SHISAL2A: variants seen among roughly 807,000 people sequenced by gnomAD.
The protein encoded by SHISAL2A is protein shisa-like-2A.
A neutral mutation model predicts 11.5 loss-of-function variants in SHISAL2A; 18 were observed. That is an observed-to-expected ratio of 1.57 (90% CI 1.08 to 2.33). The LOEUF (loss-of-function observed/expected upper bound fraction) is 2.33. SHISAL2A is among the 30% of genes most tolerant of loss of function. SHISAL2A has a pLI of 0.00. For synonymous variants in SHISAL2A, 94 were observed against 99.6 expected (o/e 0.94, Z 0.34); for missense variants, 261 against 250.9 (o/e 1.04, Z -0.27).
At chr1:52,663,964 A>ACAATGATAGT (rs1198526491) in intron 4 of SHISAL2A, among the ~76,000 whole-genome samples, 1 of 152,240 alleles carries the variant, frequency 6.6e-6, no homozygotes, top group Non-Finnish European at 1.5e-5. Context: ...TGCTGATGCA[A>ACAATGATAGT]CAATGATAGT....
At chr1:52,640,572 G>A (rs1691341026) in intron 1 of SHISAL2A, among the ~76,000 whole-genome samples, 1 of 151,794 alleles carries the variant, frequency 6.6e-6, no homozygotes, top group Admixed American at 6.6e-5. Flanking sequence ...CCGCCTACCA[G>A]GGAGGCTGAG....
chr1:52,642,957 A>G lies in SHISAL2A; in HGVS notation c.277A>G (p.Lys93Glu). The change falls in exon 2 of 3, where the codon AAG becomes GAG. Residue 93 changes from lysine to glutamate, a missense_variant. By Grantham distance (56) the Lys-to-Glu change is moderately conservative (BLOSUM62 1). Transcript: ENST00000517870. ...CVLCYLFISS[K>E]PHTKLDLGLS... is the part of the protein sequence containing the mutation. ...GCTCTGCTACCTGTTCATCAGCTCT[A>G]AGCCCCACACAAAGTTGGACCTGGG... 1 of 1,614,114 alleles carries G rather than the reference A, an allele frequency of 6.2e-7. No individual in the cohort carries two copies. Among genetic ancestry groups the G allele is most frequent in the Non-Finnish European group, 8.5e-7 (1 of 1,180,024 alleles).
intron 1 of SHISAL2A, among the ~76,000 whole-genome samples, chr1:52,638,598 A>G (rs1571678668): frequency 6.6e-6 from 1 of 152,206 alleles, no homozygotes; most frequent in East Asian, 1.9e-4. Flanking sequence ...AGTGATCCCA[A>G]AAATCACTGG....
rs143622521 is a variant in SHISAL2A at position 52,644,833 on chromosome 1, C to T, written c.322+1831C>T. On this transcript the variant is annotated intron_variant, in intron 2 of 2. Coordinates refer to ENST00000517870, the MANE Select transcript of SHISAL2A (RefSeq NM_001042693.3). Reference sequence around the variant, plus strand: ...GAGATCGAGACCATCCTGGCTAATGCGGTGAAAACATGTCTCTACTAAAAA... The same window carrying T: ...GAGATCGAGACCATCCTGGCTAATGTGGTGAAAACATGTCTCTACTAAAAA... 7.2e-3 allele frequency among the ~76,000 whole-genome samples: 1,093 copies of T among 151,830 alleles called. 16 individuals are homozygous for T. Among genetic ancestry groups the T allele is most frequent in the African/African-American group, 0.025 (1,031 of 41,376 alleles).
chr1:52,665,307 C>T (rs1281010584), intron 4 of SHISAL2A, among the ~76,000 whole-genome samples: 4 of 152,138 alleles, frequency 2.6e-5, no homozygotes, highest in African/African-American at 9.7e-5. Context: ...TGATTCTAAT[C>T]CTGTGAAACC....
chr1:52,644,941 C>G (rs532694416), intron 2 of SHISAL2A, among the ~76,000 whole-genome samples: 5 of 150,532 alleles, frequency 3.3e-5, no homozygotes, highest in Admixed American at 6.6e-5. Flanking sequence ...GGCGTGAACC[C>G]GGGAGGCGGA....
downstream of SHISAL2A, among the ~76,000 whole-genome samples, chr1:52,658,045 T>C (rs1343106707): frequency 5.8e-5 from 1 of 17,292 alleles, no homozygotes; most frequent in Non-Finnish European, 8.7e-5. Context: ...ACTAGAAGAC[T>C]TTTTTTTTTT....
intron 2 of SHISAL2A, among the ~76,000 whole-genome samples, chr1:52,646,186 T>G (rs1490805690): frequency 1.3e-5 from 2 of 152,136 alleles, no homozygotes; most frequent in Non-Finnish European, 2.9e-5. Context: ...GGATGCTGTT[T>G]AACAGCCTAC....
chr1:52,669,617 G>C, exon 6 of SHISAL2A: 1 of 142,380 alleles, frequency 7.0e-6, no homozygotes, highest in South Asian at 2.3e-4. Context: ...AGTGAGCTGT[G>C]ATCACGCCAC....
chr1:52,649,744 C>G (rs2149884469), intron 2 of SHISAL2A, among the ~76,000 whole-genome samples: 1 of 152,272 alleles, frequency 6.6e-6, no homozygotes, highest in Non-Finnish European at 1.5e-5. Context: ...TTATCAACTC[C>G]CATTTTGCAG....
At chr1:52,662,101 A>G (rs960872082) in intron 4 of SHISAL2A, among the ~76,000 whole-genome samples, 1 of 152,104 alleles carries the variant, frequency 6.6e-6, no homozygotes, top group African/African-American at 2.4e-5. Flanking sequence ...GATGAAGAGT[A>G]GGTTTGACCC....
chr1:52,644,742 G>A (rs1366562533), intron 2 of SHISAL2A, among the ~76,000 whole-genome samples: 1 of 133,852 alleles, frequency 7.5e-6, no homozygotes, highest in East Asian at 2.3e-4. Context: ...GTGGGGCCGG[G>A]TGCAGTGGCT....
downstream of SHISAL2A, among the ~76,000 whole-genome samples, chr1:52,660,806 A>T (rs1033067057): frequency 5.9e-5 from 9 of 152,182 alleles, no homozygotes; most frequent in African/African-American, 2.2e-4. Flanking sequence ...TTGATTGACA[A>T]TGATTTTCTG....
chr1:52,664,829 C>T (rs1691979318), intron 4 of SHISAL2A, among the ~76,000 whole-genome samples: 1 of 152,128 alleles, frequency 6.6e-6, no homozygotes, highest in African/African-American at 2.4e-5. Flanking sequence ...TTGCTCTGTG[C>T]CCAGTCTGGA....
intron 4 of SHISAL2A, among the ~76,000 whole-genome samples, chr1:52,666,346 G>T (rs1193745368): frequency 6.6e-6 from 1 of 152,074 alleles, no homozygotes; most frequent in Non-Finnish European, 1.5e-5. Context: ...CAGCTACTTG[G>T]GAGGCTGAGG....
intron 2 of SHISAL2A, among the ~76,000 whole-genome samples, chr1:52,650,730 C>T (rs1005717534): frequency 7.2e-6 from 1 of 139,518 alleles, no homozygotes; most frequent in South Asian, 2.3e-4. Context: ...CTGCAACCTT[C>T]GCCTCCCGGG....
chr1:52,658,248 C>G (rs1483647050), downstream of SHISAL2A, among the ~76,000 whole-genome samples: 1 of 152,094 alleles, frequency 6.6e-6, no homozygotes, highest in African/African-American at 2.4e-5. Context: ...CCATGTTGGC[C>G]AGGCTGGTCT....
chr1:52,663,500 C>T (rs1691947031), intron 4 of SHISAL2A, among the ~76,000 whole-genome samples: 1 of 152,226 alleles, frequency 6.6e-6, no homozygotes, highest in African/African-American at 2.4e-5. Context: ...GTGGCTCACG[C>T]CTGTAATCCC....
chr1:52,647,316 T>C (rs1691522947), intron 2 of SHISAL2A, among the ~76,000 whole-genome samples: 1 of 152,176 alleles, frequency 6.6e-6, no homozygotes, highest in Non-Finnish European at 1.5e-5. Context: ...AACATAACCT[T>C]GTATTTCCCC....
Sources: gnomAD v4.1 joint callset for allele counts (sites outside exome capture counted in the v4.1 genomes callset) on GRCh38, gnomAD v4.1.1 for gene constraint, MANE v1.5 for transcripts, NCBI Gene and HGNC (gene_info 2026-07-23, HGNC 2026-07-21) for gene names.